APBB2: variants seen among roughly 807,000 people sequenced by gnomAD.
APBB2 encodes amyloid beta precursor protein binding family B member 2, also known as Fe65-like 1.
Under a neutral mutation model 82.5 loss-of-function variants are expected in APBB2, and 38 were observed. That is an observed-to-expected ratio of 0.46 (90% CI 0.36 to 0.60). The LOEUF is 0.60. Ranked by LOEUF, APBB2 falls within the 20% of genes least tolerant of loss-of-function variation. The pLI, the probability that APBB2 is intolerant of heterozygous loss-of-function variation, is 0.00. For missense variants in APBB2, 772 were observed against 972.3 expected (o/e 0.79, Z 2.74); for synonymous variants, 341 against 368.2 (o/e 0.93, Z 0.85).
intron 10 of APBB2, among the ~76,000 whole-genome samples, chr4:40,906,001 CCTGG>C: frequency 6.6e-6 from 1 of 152,084 alleles, no homozygotes; most frequent in Non-Finnish European, 1.5e-5. Context: ...CCTGGAGGGG[CCTGG>C]ATTTGGCTTC....
At chr4:40,964,148 C>A (rs1221922705) in intron 6 of APBB2, among the ~76,000 whole-genome samples, 1 of 152,102 alleles carries the variant, frequency 6.6e-6, no homozygotes, top group Admixed American at 6.5e-5. Context: ...AAAATAAATT[C>A]TGCTCTGCTG....
At chr4:40,999,821 A>G (rs1384883114) in intron 6 of APBB2, among the ~76,000 whole-genome samples, 1 of 152,086 alleles carries the variant, frequency 6.6e-6, no homozygotes, top group East Asian at 1.9e-4. Flanking sequence ...TTGTTCTACC[A>G]CTAGTATAAA....
intron 4 of APBB2, among the ~76,000 whole-genome samples, chr4:41,049,035 T>C (rs1174036568): frequency 6.6e-6 from 1 of 152,062 alleles, no homozygotes; most frequent in African/African-American, 2.4e-5. Flanking sequence ...CCCAGCAGCC[T>C]GCCTTGGCCT....
At chr4:41,053,736 T>C (rs1010317809) in intron 4 of APBB2, among the ~76,000 whole-genome samples, 1 of 152,214 alleles carries the variant, frequency 6.6e-6, no homozygotes, top group Non-Finnish European at 1.5e-5. Context: ...ATGAAGTATA[T>C]CTCCACGGTA....
intron 2 of APBB2, among the ~76,000 whole-genome samples, chr4:41,130,004 G>A (rs144737011): frequency 2.1e-3 from 324 of 152,218 alleles, no homozygotes; most frequent in African/African-American, 7.3e-3. Flanking sequence ...AGGTTTCACC[G>A]ACAGACTAAC....
At chr4:41,151,558 T>C (rs150567211) in intron 1 of APBB2, among the ~76,000 whole-genome samples, 1 of 152,362 alleles carries the variant, frequency 6.6e-6, no homozygotes, top group South Asian at 2.1e-4. Context: ...TTAGAAAAGA[T>C]CTTCTGTGGT....
At chr4:41,105,098 G>A (rs1746712511) in intron 2 of APBB2, among the ~76,000 whole-genome samples, 2 of 152,188 alleles carry the variant, frequency 1.3e-5, no homozygotes, top group Admixed American at 1.3e-4. Flanking sequence ...AAAGTCAGTG[G>A]TTGTATGTGT....
intron 12 of APBB2, among the ~76,000 whole-genome samples, chr4:40,853,662 G>A (rs1294205659): frequency 3.3e-5 from 5 of 150,456 alleles, no homozygotes; most frequent in Admixed American, 6.6e-5. Flanking sequence ...TCACCATGTT[G>A]GTCAGGCTGG....
At chr4:41,130,954 G>A (rs1223970289) in intron 2 of APBB2, among the ~76,000 whole-genome samples, 1 of 152,096 alleles carries the variant, frequency 6.6e-6, no homozygotes, top group Non-Finnish European at 1.5e-5. Flanking sequence ...CACATCATAA[G>A]GGCCCAACTA....
At position 40,883,644 on chromosome 4, in the gene APBB2, C is replaced by T. The variant is rs1351451857; in HGVS notation, c.1529+6720G>A. Reference sequence around the variant, plus strand: ...CTACGGAACAGTAGCAAGGCTAAGCCGTGCTTTCAGGGACCCCCGAATGCT... The same window carrying T: ...CTACGGAACAGTAGCAAGGCTAAGCTGTGCTTTCAGGGACCCCCGAATGCT... On this transcript the variant is annotated intron_variant, in intron 12 of 17. Coordinates refer to ENST00000508593, the MANE Select transcript of APBB2 (RefSeq NM_004307.2). Among the ~76,000 whole-genome samples, 3 of 151,228 alleles carry T rather than the reference C, an allele frequency of 2.0e-5. No homozygotes were observed. The East Asian group carries it at 5.8e-4, about 29-fold the overall frequency.
intron 7 of APBB2, among the ~76,000 whole-genome samples, chr4:40,940,883 A>C (rs1249838162): frequency 6.6e-6 from 1 of 152,248 alleles, no homozygotes; most frequent in Non-Finnish European, 1.5e-5. Context: ...GCAGTCTGCA[A>C]GGTAATTTGG....
intron 2 of APBB2, among the ~76,000 whole-genome samples, chr4:41,128,762 A>T (rs530086375): frequency 1.3e-5 from 2 of 152,144 alleles, no homozygotes; most frequent in African/African-American, 4.8e-5. Flanking sequence ...TGTCCTACAA[A>T]CACATTTCCC....
chr4:41,136,421 C>T (rs1053884263), intron 2 of APBB2, among the ~76,000 whole-genome samples: 8 of 152,132 alleles, frequency 5.3e-5, no homozygotes, highest in Admixed American at 1.3e-4. Context: ...ATGGCTTTGA[C>T]TTTAAATGAA....
At chr4:40,857,142 C>T (rs899763157) in intron 12 of APBB2, 1 of 985,488 alleles carries the variant, frequency 1.0e-6, no homozygotes, top group South Asian at 4.7e-5. Flanking sequence ...CGCGCACTGC[C>T]CCGGGCTCAA....
intron 10 of APBB2, among the ~76,000 whole-genome samples, chr4:40,924,869 C>T (rs1782211420): frequency 6.6e-6 from 1 of 152,208 alleles, no homozygotes; most frequent in Non-Finnish European, 1.5e-5. Flanking sequence ...CAGTATTGGG[C>T]AAATACAGAT....
At chr4:40,843,321 C>T (rs573782863) in intron 12 of APBB2, among the ~76,000 whole-genome samples, 70 of 152,264 alleles carry the variant, frequency 4.6e-4, no homozygotes, top group African/African-American at 1.6e-3. Context: ...TGGCATGAAA[C>T]GCCAAGTGCA....
At chr4:40,865,754 A>G (rs1483599051) in intron 12 of APBB2, among the ~76,000 whole-genome samples, 2 of 152,206 alleles carry the variant, frequency 1.3e-5, no homozygotes, top group Non-Finnish European at 2.9e-5. Context: ...AAACAACACA[A>G]TTTTTTAAAT....
At chr4:40,951,846 T>C (rs1790266340) in intron 6 of APBB2, among the ~76,000 whole-genome samples, 2 of 152,058 alleles carry the variant, frequency 1.3e-5, no homozygotes, top group African/African-American at 4.8e-5. Flanking sequence ...TAAGAACATG[T>C]TTTCATAGGT....
intron 12 of APBB2, among the ~76,000 whole-genome samples, chr4:40,874,661 C>T (rs973532300): frequency 6.6e-6 from 1 of 152,116 alleles, no homozygotes; most frequent in Non-Finnish European, 1.5e-5. Context: ...GAAGGTTCGC[C>T]GTTAATGAAG....
Sources: allele counts gnomAD v4.1 joint callset (sites outside exome capture counted in the v4.1 genomes callset), GRCh38; gene constraint gnomAD v4.1.1; transcripts MANE v1.5; gene names NCBI Gene and HGNC (gene_info 2026-07-23, HGNC 2026-07-21).